Variants in CTNND2 observed in about 807,000 individuals in gnomAD.
CTNND2 encodes the protein catenin delta-2.
Under a neutral mutation model 144.4 loss-of-function variants are expected in CTNND2, and 22 were observed. That is an observed-to-expected ratio of 0.15 (90% confidence interval 0.11 to 0.22). The LOEUF is 0.22. CTNND2 is among the 10% of genes least tolerant of loss of function. The probability of loss-of-function intolerance (pLI) is 1.00; values close to 1 mark genes in which losing one functional copy is unlikely to be tolerated. For missense variants in CTNND2, 1,353 were observed against 1,618.8 expected (o/e 0.84, Z 2.82); for synonymous variants, 751 against 695.6 (o/e 1.08, Z -1.25).
intron 3 of CTNND2, among the ~76,000 whole-genome samples, chr5:11,548,945 C>G (rs1474369115): frequency 1.3e-5 from 2 of 152,176 alleles, no homozygotes; most frequent in African/African-American, 4.8e-5. Flanking sequence ...AACATAATAA[C>G]TGTTTAAAAT....
chr5:11,736,389 C>G (rs955448477), intron 1 of CTNND2, among the ~76,000 whole-genome samples: 1 of 152,154 alleles, frequency 6.6e-6, no homozygotes, highest in Non-Finnish European at 1.5e-5. Flanking sequence ...CTTATTCCAC[C>G]GTACAGAGCT....
intron 3 of CTNND2, among the ~76,000 whole-genome samples, chr5:11,533,444 T>C (rs114807016): frequency 0.011 from 1,678 of 152,286 alleles, 31 homozygotes; most frequent in African/African-American, 0.039. Flanking sequence ...GCTGGCTTCA[T>C]TGTGAAGAAT....
intron 16 of CTNND2, among the ~76,000 whole-genome samples, chr5:11,040,313 G>A (rs951599942): frequency 1.4e-4 from 21 of 152,102 alleles, no homozygotes; most frequent in Non-Finnish European, 1.5e-5. Context: ...TCACATGCCC[G>A]AATTGGTAAG....
chr5:11,836,751 A>G (rs759648786), intron 1 of CTNND2, among the ~76,000 whole-genome samples: 51 of 152,214 alleles, frequency 3.4e-4, no homozygotes, highest in Non-Finnish European at 6.2e-4. Context: ...GCTACTCTGT[A>G]TTTAGCTTTA....
chr5:11,192,985 G>T lies in CTNND2; in HGVS notation c.1975+6463C>A, dbSNP rs544925939. On this transcript the variant is annotated intron_variant, in intron 11 of 21. Coordinates refer to ENST00000304623, the MANE Select transcript of CTNND2 (RefSeq NM_001332.4). ...ATGACTTGCTTGCTACATTTGATGG[G>T]CAGGGACCATTGTTCACACCTTTGA... Among the ~76,000 whole-genome samples the T allele has an allele frequency of 4.6e-5, 7 of 152,276 alleles. No individual in the cohort carries two copies. The South Asian group carries it at 1.0e-3, about 23-fold the overall frequency.
At chr5:11,574,958 A>G (rs1777862403) in intron 2 of CTNND2, among the ~76,000 whole-genome samples, 1 of 152,170 alleles carries the variant, frequency 6.6e-6, no homozygotes. Flanking sequence ...CCTCTTCTCT[A>G]TCCTTTCCTT....
At chr5:11,274,552 T>G (rs988361139) in intron 9 of CTNND2, among the ~76,000 whole-genome samples, 2 of 150,132 alleles carry the variant, frequency 1.3e-5, no homozygotes, top group Non-Finnish European at 3.0e-5. Context: ...AATAAAACAA[T>G]TTTCACAGAA....
At chr5:11,015,996 T>C in intron 18 of CTNND2, among the ~76,000 whole-genome samples, 1 of 152,228 alleles carries the variant, frequency 6.6e-6, no homozygotes, top group East Asian at 1.9e-4. Context: ...ATGAAATGCT[T>C]TGGGAAGGAC....
intron 14 of CTNND2, among the ~76,000 whole-genome samples, chr5:11,102,177 G>A (rs1184946919): frequency 6.6e-6 from 1 of 151,984 alleles, no homozygotes; most frequent in African/African-American, 2.4e-5. Flanking sequence ...ATATTTTAAC[G>A]AATAAAATTT....
At chr5:11,357,926 C>CA (rs1756061567) in intron 8 of CTNND2, among the ~76,000 whole-genome samples, 1 of 152,066 alleles carries the variant, frequency 6.6e-6, no homozygotes, top group Non-Finnish European at 1.5e-5. Context: ...AGGGCAGAAT[C>CA]TGCTAATGTG....
rs142733041 is a variant in CTNND2, at chr5:11,542,581, T to C, written c.287+22363A>G. ...TCCTATTTAAATAATGAGAAGGTGG[T>C]GAAATGATGTATGTATTCAATAATA... is the stretch of plus-strand genomic sequence containing the variant. On this transcript the variant is annotated intron_variant, in intron 3 of 21. Coordinates refer to ENST00000304623, the MANE Select transcript of CTNND2 (RefSeq NM_001332.4). Among the ~76,000 whole-genome samples, 61 of 152,288 alleles carry C rather than the reference T, an allele frequency of 4.0e-4. No homozygotes were observed. The South Asian group carries it at 9.5e-3, about 24-fold the overall frequency.
At chr5:11,635,021 T>C (rs888487180) in intron 2 of CTNND2, among the ~76,000 whole-genome samples, 1 of 152,050 alleles carries the variant, frequency 6.6e-6, no homozygotes, top group Admixed American at 6.6e-5. Context: ...GTAGGGATTA[T>C]ACAGCACTCT....
chr5:10,990,647 T>C (rs539777063), intron 19 of CTNND2, among the ~76,000 whole-genome samples: 1 of 152,336 alleles, frequency 6.6e-6, no homozygotes, highest in South Asian at 2.1e-4. Flanking sequence ...CAGATGGTGG[T>C]GTTTATTAAA....
At chr5:11,788,672 C>CATTATT (rs967385915) in intron 1 of CTNND2, among the ~76,000 whole-genome samples, 1 of 151,560 alleles carries the variant, frequency 6.6e-6, no homozygotes, top group African/African-American at 2.4e-5. Context: ...GTCTTATTAA[C>CATTATT]ATTATTATTA....
chr5:11,003,161 C>T (rs1740130339), intron 18 of CTNND2, among the ~76,000 whole-genome samples: 2 of 152,132 alleles, frequency 1.3e-5, no homozygotes, highest in Non-Finnish European at 2.9e-5. Context: ...GGCTCTACAG[C>T]CCACAAAGCT....
intron 2 of CTNND2, among the ~76,000 whole-genome samples, chr5:11,630,036 T>A (rs528369485): frequency 6.6e-6 from 1 of 152,210 alleles, no homozygotes; most frequent in East Asian, 1.9e-4. Flanking sequence ...ATGTTCCATA[T>A]GGTTTTCTAC....
chr5:11,026,356 CTTT>C (rs67196223), intron 16 of CTNND2, among the ~76,000 whole-genome samples: 4 of 117,034 alleles, frequency 3.4e-5, no homozygotes, highest in Non-Finnish European at 5.1e-5. Flanking sequence ...CCTTCTTCTT[CTTT>C]TTTTTTTTTT....
intron 2 of CTNND2, among the ~76,000 whole-genome samples, chr5:11,652,663 C>T (rs528467388): frequency 1.2e-4 from 19 of 152,152 alleles, no homozygotes; most frequent in South Asian, 8.3e-4. Flanking sequence ...GATACACAGA[C>T]ATTGTGAAGT....
At chr5:11,486,630 G>C (rs1425360055) in intron 3 of CTNND2, among the ~76,000 whole-genome samples, 1 of 152,094 alleles carries the variant, frequency 6.6e-6, no homozygotes, top group Non-Finnish European at 1.5e-5. Context: ...GAAGAGCAGA[G>C]AAGATGGGGG....
Sources: allele counts gnomAD v4.1 joint callset (sites outside exome capture counted in the v4.1 genomes callset), GRCh38; gene constraint gnomAD v4.1.1; transcripts MANE v1.5; gene names NCBI Gene and HGNC (gene_info 2026-07-23, HGNC 2026-07-21).